Variants in COL5A2 observed in about 807,000 individuals in gnomAD.
The protein encoded by COL5A2 is collagen type V alpha 2 chain, also known as collagen alpha-2(V) chain.
In COL5A2, 23 loss-of-function variants were observed where a neutral mutation model predicts 208.2. The observed-to-expected ratio is 0.11, with a 90% CI of 0.08 to 0.16. The LOEUF (loss-of-function observed/expected upper bound fraction) is 0.16. Among genes scored for constraint, COL5A2 ranks in the 10% least tolerant of loss-of-function variants. COL5A2 has a pLI of 1.00. For synonymous variants in COL5A2, 625 were observed against 628.5 expected, an observed-to-expected ratio of 0.99 and a Z score of 0.08; for missense variants, 1,590 against 1,956.4, an observed-to-expected ratio of 0.81 and a Z score of 3.53.
chr2:189,201,335 A>C (rs1475286742), intron 1 of COL5A2, among the ~76,000 whole-genome samples: 1 of 152,058 alleles, frequency 6.6e-6, no homozygotes, highest in East Asian at 1.9e-4. Context: ...CAAAATACTT[A>C]GTTAATCCAA....
chr2:189,194,197 C>A (rs1053459400), intron 1 of COL5A2, among the ~76,000 whole-genome samples: 3 of 152,094 alleles, frequency 2.0e-5, no homozygotes, highest in Non-Finnish European at 4.4e-5. Context: ...AACCAAAAGT[C>A]TGACAAATAC....
chr2:189,292,481 C>T, the COL5A2 span, among the ~76,000 whole-genome samples: 1 of 152,128 alleles, frequency 6.6e-6, no homozygotes, highest in Non-Finnish European at 1.5e-5. Flanking sequence ...GACATTTATG[C>T]AGCCAAAAAA....
intron 1 of COL5A2, among the ~76,000 whole-genome samples, chr2:189,223,587 A>G (rs1339689832): frequency 6.6e-6 from 1 of 152,208 alleles, no homozygotes; most frequent in Non-Finnish European, 1.5e-5. Context: ...TATCAACAAC[A>G]TCGTGGATAA....
chr2:189,210,657 G>C (rs1369923067), intron 1 of COL5A2, among the ~76,000 whole-genome samples: 3 of 152,066 alleles, frequency 2.0e-5, no homozygotes, highest in African/African-American at 2.4e-5. Flanking sequence ...AATACCAATG[G>C]AGAAAACACT....
intron 1 of COL5A2, among the ~76,000 whole-genome samples, chr2:189,207,312 A>AT (rs1689154581): frequency 6.6e-6 from 1 of 152,192 alleles, no homozygotes; most frequent in African/African-American, 2.4e-5. Context: ...TAAACAAAAT[A>AT]TTTTTGTATC....
intron 49 of COL5A2, among the ~76,000 whole-genome samples, chr2:189,042,393 T>C (rs1685579679): frequency 6.6e-6 from 1 of 152,186 alleles, no homozygotes; most frequent in Non-Finnish European, 1.5e-5. Context: ...CTCCACTTCA[T>C]AGTAAATGCT....
chr2:189,133,829 T>G (rs1244696388), intron 1 of COL5A2, among the ~76,000 whole-genome samples: 1 of 152,078 alleles, frequency 6.6e-6, no homozygotes, highest in African/African-American at 2.4e-5. Flanking sequence ...AAGAAAAAGA[T>G]TTTTAAAGCA....
chr2:189,105,885 T>C (rs562607496), intron 2 of COL5A2, among the ~76,000 whole-genome samples: 117 of 151,602 alleles, frequency 7.7e-4, no homozygotes, highest in African/African-American at 2.7e-3. Context: ...GCCTAGCCAT[T>C]CCAACAAGGT....
chr2:189,249,486 T>C, the COL5A2 span, among the ~76,000 whole-genome samples: 6 of 152,224 alleles, frequency 3.9e-5, no homozygotes, highest in Non-Finnish European at 4.4e-5. Flanking sequence ...GGGATTTGAG[T>C]ATAATTGAAG....
intron 12 of COL5A2, among the ~76,000 whole-genome samples, chr2:189,083,470 T>TTAGGGTTTGGGG (rs1205972324): frequency 2.2e-4 from 34 of 152,188 alleles, no homozygotes; most frequent in Non-Finnish European, 3.8e-4. Context: ...TCAGCCAAAA[T>TTAGGGTTTGGGG]TAGGGTTTGG....
At chr2:189,117,022 T>A (rs1298309379) in intron 1 of COL5A2, among the ~76,000 whole-genome samples, 1 of 152,188 alleles carries the variant, frequency 6.6e-6, no homozygotes, top group African/African-American at 2.4e-5. Flanking sequence ...TCCAATCTCA[T>A]AAGCAAAGTT....
intron 2 of COL5A2, among the ~76,000 whole-genome samples, chr2:189,109,581 TATAA>T (rs1426725082): frequency 6.6e-6 from 1 of 152,212 alleles, no homozygotes; most frequent in African/African-American, 2.4e-5. Context: ...AACCTATAAA[TATAA>T]ACTTGTTTCC....
upstream of COL5A2, among the ~76,000 whole-genome samples, chr2:189,225,462 A>T (rs1192024536): frequency 6.6e-6 from 1 of 152,118 alleles, no homozygotes; most frequent in Non-Finnish European, 1.5e-5. Flanking sequence ...AACTCTTACC[A>T]CAGCTTATTT....
At chr2:189,349,154 T>TTATA in the COL5A2 span, among the ~76,000 whole-genome samples, 16 of 152,280 alleles carry the variant, frequency 1.1e-4, no homozygotes, top group South Asian at 8.3e-4. Context: ...TTGTGTCTTG[T>TTATA]CAGATGATTC....
chr2:189,161,686 G>T (rs538247746), intron 1 of COL5A2, among the ~76,000 whole-genome samples: 1 of 152,244 alleles, frequency 6.6e-6, no homozygotes, highest in Non-Finnish European at 1.5e-5. Flanking sequence ...CTTTTATTGA[G>T]TTTCTACTAT....
intron 17 of COL5A2, among the ~76,000 whole-genome samples, chr2:189,074,624 C>G (rs1008672386): frequency 6.6e-6 from 1 of 152,100 alleles, no homozygotes; most frequent in South Asian, 2.1e-4. Flanking sequence ...TCATTTATTC[C>G]CATTCTAAAC....
At chr2:189,052,259 G>C in intron 40 of COL5A2, 34 bp from the exon 41 acceptor site, 2 of 1,598,982 alleles carry the variant, frequency 1.3e-6, no homozygotes, top group Non-Finnish European at 1.7e-6. Context: ...CAATTTTTAA[G>C]GTAATATAAA....
intron 11 of COL5A2, 71 bp from the exon 12 acceptor site, chr2:189,084,108 A>G: frequency 9.7e-7 from 1 of 1,032,830 alleles, no homozygotes; most frequent in South Asian, 1.3e-5. Flanking sequence ...AAACTAAATG[A>G]TAAATAAATT....
rs1411807832 is a variant in COL5A2 at position 189,116,255 on chromosome 2, G to C, written c.98-5806C>G. 1.8e-4 allele frequency among the ~76,000 whole-genome samples: 28 copies of C among 152,184 alleles called. 1 individual carries two copies. Among genetic ancestry groups the C allele is most frequent in the Admixed American group, 1.8e-3 (28 of 15,268 alleles). On this transcript the variant is annotated intron_variant, in intron 1 of 53. Coordinates refer to ENST00000374866, the MANE Select transcript of COL5A2 (RefSeq NM_000393.5). ...ATAAAGCCGCCCACGTGTCAGTCTG[G>C]ATGCCACAGATGCTGCCTTTAGTAA...
Sources: allele counts gnomAD v4.1 joint callset (sites outside exome capture counted in the v4.1 genomes callset), GRCh38; gene constraint gnomAD v4.1.1; transcripts MANE v1.5; gene names NCBI Gene and HGNC (gene_info 2026-07-23, HGNC 2026-07-21).